Variants in SIL1 observed in about 807,000 individuals in gnomAD.
The protein encoded by SIL1 is nucleotide exchange factor SIL1.
A neutral mutation model predicts 49.1 loss-of-function variants in SIL1; 40 were observed. That is an observed-to-expected ratio of 0.81 (90% CI 0.63 to 1.06). The LOEUF is 1.06. SIL1 is among the 50% of genes least tolerant of loss of function. The probability of loss-of-function intolerance (pLI) is 0.00; values close to 1 mark genes in which losing one functional copy is unlikely to be tolerated. For missense variants in SIL1, 500 were observed against 572.6 expected (o/e 0.87, Z 1.29); for synonymous variants, 253 against 250.8 (o/e 1.01, Z -0.08).
intron 4 of SIL1, among the ~76,000 whole-genome samples, chr5:139,046,572 G>A (rs558479925): frequency 1.5e-3 from 227 of 152,274 alleles, no homozygotes; most frequent in Non-Finnish European, 2.6e-3. Flanking sequence ...TGTCTGAAAT[G>A]CCCTAACTCC....
intron 3 of SIL1, among the ~76,000 whole-genome samples, chr5:139,070,150 CA>C (rs968105072): frequency 6.6e-6 from 1 of 151,896 alleles, no homozygotes; most frequent in African/African-American, 2.4e-5. Flanking sequence ...AGAGCACACA[CA>C]AAAAAATGTT....
chr5:139,192,510 T>C (rs1752192564), intron 1 of SIL1, among the ~76,000 whole-genome samples: 1 of 152,052 alleles, frequency 6.6e-6, no homozygotes, highest in South Asian at 2.1e-4. Flanking sequence ...CATTTCTCTG[T>C]AGATGTGAAA....
chr5:139,016,053 G>A (rs138827345), intron 7 of SIL1, among the ~76,000 whole-genome samples: 64 of 152,126 alleles, frequency 4.2e-4, no homozygotes, highest in African/African-American at 1.2e-3. Context: ...CACCTGTGAA[G>A]AGCCCCTGCA....
chr5:138,976,666 C>A (rs986541764), intron 7 of SIL1, among the ~76,000 whole-genome samples: 1 of 152,070 alleles, frequency 6.6e-6, no homozygotes, highest in East Asian at 1.9e-4. Context: ...ATAGTAGGGA[C>A]TCAATAAATA....
In SIL1 at chr5:139,121,025, G is replaced by A. The variant is rs1750617450; in HGVS notation, c.244+10C>T. 6.2e-7 allele frequency: 1 copy of A among 1,613,756 alleles called. No individual in the cohort carries two copies. Among genetic ancestry groups the A allele is most frequent in the African/African-American group, 1.3e-5 (1 of 74,926 alleles). ...AGTGTGTTTTGTGGGGACAGGGCTG[G>A]GCCTGATACCTGGCTGAAGGGCCTG... On this transcript the variant is annotated intron_variant, in intron 3 of 9. Transcript: ENST00000394817.
At chr5:138,995,060 ATATG>A (rs1767835156) in intron 7 of SIL1, among the ~76,000 whole-genome samples, 1 of 152,162 alleles carries the variant, frequency 6.6e-6, no homozygotes, top group Non-Finnish European at 1.5e-5. Flanking sequence ...TTACAGCTGC[ATATG>A]TACCACATTT....
At chr5:139,127,670 C>A in intron 2 of SIL1, 69 bp downstream of exon 2, 1 of 1,271,106 alleles carries the variant, frequency 7.9e-7, no homozygotes, top group East Asian at 2.5e-5. Context: ...CCCACAACAG[C>A]CCTGGTGACA....
intron 3 of SIL1, among the ~76,000 whole-genome samples, chr5:139,073,175 C>T (rs1390278746): frequency 1.3e-5 from 2 of 152,112 alleles, no homozygotes; most frequent in Admixed American, 6.5e-5. Context: ...AATAAAACTA[C>T]CATATGATCC....
At chr5:139,083,647 G>A (rs576093640) in intron 3 of SIL1, among the ~76,000 whole-genome samples, 419 of 28,890 alleles carry the variant, frequency 0.015, 7 homozygotes, top group Middle Eastern at 0.046. Flanking sequence ...TCACTCTGAT[G>A]GTAGTTTCTT....
chr5:139,029,202 T>C (rs1207457150), intron 5 of SIL1, among the ~76,000 whole-genome samples: 1 of 152,152 alleles, frequency 6.6e-6, no homozygotes, highest in Non-Finnish European at 1.5e-5. Flanking sequence ...ACTTTGGCAA[T>C]GAAATTTGAA....
chr5:138,998,708 A>C (rs1257444874), intron 7 of SIL1, among the ~76,000 whole-genome samples: 1 of 152,190 alleles, frequency 6.6e-6, no homozygotes, highest in Non-Finnish European at 1.5e-5. Flanking sequence ...CTTATCACCA[A>C]GGAAGTGGTG....
intron 1 of SIL1, among the ~76,000 whole-genome samples, chr5:139,149,428 A>G (rs1751256303): frequency 6.6e-6 from 1 of 152,180 alleles, no homozygotes; most frequent in Non-Finnish European, 1.5e-5. Context: ...TATTTGTTTG[A>G]GACCTGCTGC....
At chr5:138,949,702 T>C (rs1766717808) in intron 9 of SIL1, among the ~76,000 whole-genome samples, 1 of 149,144 alleles carries the variant, frequency 6.7e-6, no homozygotes, top group Admixed American at 6.8e-5. Flanking sequence ...TCCCAGCTAC[T>C]CAGGGGGCTG....
chr5:139,109,695 TAA>T (rs534819027), intron 3 of SIL1, among the ~76,000 whole-genome samples: 9,584 of 121,410 alleles, frequency 0.079, 611 homozygotes, highest in African/African-American at 0.18. Context: ...AAGGGGATGT[TAA>T]AAAAAAAAAA....
At chr5:139,070,304 C>T (rs1355814846) in intron 3 of SIL1, among the ~76,000 whole-genome samples, 1 of 151,402 alleles carries the variant, frequency 6.6e-6, no homozygotes, top group Non-Finnish European at 1.5e-5. Context: ...TCAGGACTCT[C>T]GGTGTGGGAA....
chr5:139,127,905 T>C, intron 1 of SIL1, 52 bp from the exon 2 acceptor site: 3 of 1,152,598 alleles, frequency 2.6e-6, no homozygotes, highest in Non-Finnish European at 3.8e-6. Flanking sequence ...TAATGCTTGG[T>C]TCCCCCGCAC....
chr5:138,986,078 C>T (rs890552754), intron 7 of SIL1, among the ~76,000 whole-genome samples: 4 of 152,180 alleles, frequency 2.6e-5, no homozygotes, highest in Non-Finnish European at 5.9e-5. Context: ...AGCAGCTACC[C>T]CAGGTGTCTG....
At position 138,999,390 on chromosome 5, in the gene SIL1, A is replaced by G. The variant is rs529500613; in HGVS notation, c.767+21781T>C. 1.4e-4 allele frequency among the ~76,000 whole-genome samples: 21 copies of G among 152,330 alleles called. No homozygotes were observed. The East Asian group carries it at 3.9e-3, about 28-fold the overall frequency. ...TGCTATTGGCTGGAAACGATGGCCAAGCCTGTAATCTCAAAGCTTTGGGAG... is the reference window on the plus strand; with the variant it reads ...TGCTATTGGCTGGAAACGATGGCCAGGCCTGTAATCTCAAAGCTTTGGGAG... On this transcript the variant is annotated intron_variant, in intron 7 of 9. Transcript: ENST00000394817.
intron 1 of SIL1, among the ~76,000 whole-genome samples, chr5:139,170,961 T>G (rs1291708603): frequency 1.3e-5 from 1 of 77,494 alleles, no homozygotes; most frequent in Admixed American, 1.4e-4. Flanking sequence ...GGGGGGTCAG[T>G]CCCCCGCCCG....
Sources: gnomAD v4.1 joint callset for allele counts (sites outside exome capture counted in the v4.1 genomes callset) on GRCh38, gnomAD v4.1.1 for gene constraint, MANE v1.5 for transcripts, NCBI Gene and HGNC (gene_info 2026-07-23, HGNC 2026-07-21) for gene names.